The following CACNA1C variants were observed in gnomAD, a reference collection of about 807,000 sequenced individuals.
CACNA1C encodes voltage-dependent L-type calcium channel subunit alpha-1C.
A neutral mutation model predicts 229.0 loss-of-function variants in CACNA1C; 30 were observed. That is an observed-to-expected ratio of 0.13 (90% CI 0.10 to 0.18). CACNA1C has a LOEUF of 0.18. CACNA1C is among the 10% of genes least tolerant of loss of function. CACNA1C has a pLI of 1.00. For synonymous variants in CACNA1C, 1,114 were observed against 1,132.5 expected, an observed-to-expected ratio of 0.98 and a Z score of 0.33; for missense variants, 1,658 against 2,845.0, an observed-to-expected ratio of 0.58 and a Z score of 9.49.
At chr12:2,322,704 A>G (rs935229102) in intron 3 of CACNA1C, among the ~76,000 whole-genome samples, 6 of 151,900 alleles carry the variant, frequency 3.9e-5, no homozygotes, top group African/African-American at 9.7e-5. Context: ...CCTTCTTACC[A>G]TGCCGCGTTG....
At chr12:2,246,501 C>T (rs1011746474) in intron 3 of CACNA1C, among the ~76,000 whole-genome samples, 2 of 152,184 alleles carry the variant, frequency 1.3e-5, no homozygotes, top group African/African-American at 2.4e-5. Flanking sequence ...CTAACACTTA[C>T]ACAGTGCTTC....
At chr12:1,990,538 G>T (rs2039098130) in intron 1 of CACNA1C, among the ~76,000 whole-genome samples, 2 of 151,822 alleles carry the variant, frequency 1.3e-5, no homozygotes, top group African/African-American at 4.8e-5. Flanking sequence ...TTCAAGAAAG[G>T]GATTTTTTTT....
At chr12:2,207,723 A>T (rs2097791097) in intron 3 of CACNA1C, among the ~76,000 whole-genome samples, 1 of 152,102 alleles carries the variant, frequency 6.6e-6, no homozygotes, top group African/African-American at 2.4e-5. Flanking sequence ...CTGACACAGG[A>T]TGATTACTTG....
chr12:2,332,723 T>G (rs917086533), intron 3 of CACNA1C, among the ~76,000 whole-genome samples: 4 of 151,816 alleles, frequency 2.6e-5, no homozygotes, highest in Non-Finnish European at 5.9e-5. Flanking sequence ...CTCTGAAGAG[T>G]TTTTAACAGC....
chr12:2,357,214 T>C (rs2097396895), intron 3 of CACNA1C, among the ~76,000 whole-genome samples: 1 of 152,210 alleles, frequency 6.6e-6, no homozygotes, highest in South Asian at 2.1e-4. Flanking sequence ...GTTCCCCAGC[T>C]GCACGCCCTG....
intron 3 of CACNA1C, among the ~76,000 whole-genome samples, chr12:2,437,760 T>C (rs2099148979): frequency 6.6e-6 from 1 of 151,664 alleles, no homozygotes; most frequent in African/African-American, 2.4e-5. Flanking sequence ...GTGGTAATGG[T>C]GATAGTGGAG....
chr12:1,997,686 C>T (rs2041263718), intron 1 of CACNA1C, among the ~76,000 whole-genome samples: 1 of 152,118 alleles, frequency 6.6e-6, no homozygotes, highest in South Asian at 2.1e-4. Flanking sequence ...TTAAACAGTG[C>T]CCAGTCAATG....
At chr12:2,551,716 G>T (rs1229765413) in intron 10 of CACNA1C, among the ~76,000 whole-genome samples, 4 of 152,194 alleles carry the variant, frequency 2.6e-5, no homozygotes, top group Non-Finnish European at 5.9e-5. Context: ...CTGCTGTGTA[G>T]TAAGGAGGCC....
intron 3 of CACNA1C, among the ~76,000 whole-genome samples, chr12:2,255,651 G>A (rs961761956): frequency 1.3e-5 from 2 of 152,218 alleles, no homozygotes; most frequent in African/African-American, 4.8e-5. Context: ...GGGTCACCTG[G>A]TTCATTTCCT....
At chr12:2,688,359 C>T in intron 45 of CACNA1C, 88 bp from the exon 46 acceptor site, 1 of 1,242,196 alleles carries the variant, frequency 8.1e-7, no homozygotes, top group East Asian at 2.3e-5. Flanking sequence ...GACACAGCAG[C>T]TGCAAAGCAG....
At chr12:2,163,063 TG>T (rs1466139625) in intron 3 of CACNA1C, among the ~76,000 whole-genome samples, 1 of 151,924 alleles carries the variant, frequency 6.6e-6, no homozygotes, top group Non-Finnish European at 1.5e-5. Flanking sequence ...CCAGGCGTGG[TG>T]GTGCATGCTT....
intron 9 of CACNA1C, among the ~76,000 whole-genome samples, chr12:2,538,142 A>AG (rs1181236148): frequency 3.9e-5 from 6 of 152,336 alleles, no homozygotes; most frequent in South Asian, 4.1e-4. Context: ...CTGCAGATCA[A>AG]GGGCAGGCAT....
intron 3 of CACNA1C, among the ~76,000 whole-genome samples, chr12:2,418,086 C>G (rs905189284): frequency 1.3e-5 from 2 of 152,182 alleles, no homozygotes; most frequent in Non-Finnish European, 2.9e-5. Context: ...GCCGCTCCCT[C>G]TCTGCTTTTG....
At chr12:2,623,794 C>G (rs2084716792) in intron 29 of CACNA1C, among the ~76,000 whole-genome samples, 1 of 152,192 alleles carries the variant, frequency 6.6e-6, no homozygotes, top group Admixed American at 6.5e-5. Context: ...AAAAGTGACT[C>G]CAGCCCCTGG....
chr12:2,456,305 G>A lies in CACNA1C; in HGVS notation c.618-1262G>A, dbSNP rs140079938. ...CTTGTTCTGAGCCACCCAGTGTCTC[G>A]CGCCTGGATGACTGCCGCAGCTGGT... On this transcript the variant is annotated intron_variant, in intron 4 of 46. Coordinates refer to ENST00000399655, the MANE Select transcript of CACNA1C (RefSeq NM_000719.7). 3.0e-4 allele frequency among the ~76,000 whole-genome samples: 46 copies of A among 152,236 alleles called. 1 individual carries two copies. The highest frequency in any genetic ancestry group is 9.6e-4 in the African/African-American group (40 of 41,526).
chr12:2,593,145 G>C (rs767207377), intron 18 of CACNA1C, 68 bp from the exon 19 acceptor site: 1 of 1,537,728 alleles, frequency 6.5e-7, no homozygotes, highest in East Asian at 2.3e-5. Context: ...CCAGTAGGAA[G>C]GTCTCTGAAA....
intron 3 of CACNA1C, among the ~76,000 whole-genome samples, chr12:2,188,968 C>T (rs560950532): frequency 1.8e-3 from 272 of 152,070 alleles, no homozygotes; most frequent in African/African-American, 6.4e-3. Context: ...TGGCGGGTGC[C>T]TGTAGTCCCA....
chr12:1,998,020 A>G, intron 1 of CACNA1C: 1 of 1,544,842 alleles, frequency 6.5e-7, no homozygotes, highest in Non-Finnish European at 8.8e-7. Flanking sequence ...TGTTCTCTTC[A>G]ATTCACAAAG....
chr12:2,430,507 T>TC (rs2099071791), intron 3 of CACNA1C, among the ~76,000 whole-genome samples: 1 of 152,126 alleles, frequency 6.6e-6, no homozygotes, highest in Non-Finnish European at 1.5e-5. Flanking sequence ...TGTAGACCCA[T>TC]CCACCCTCAC....
Sources: gnomAD v4.1 joint callset for allele counts (sites outside exome capture counted in the v4.1 genomes callset) on GRCh38, gnomAD v4.1.1 for gene constraint, MANE v1.5 for transcripts, NCBI Gene and HGNC (gene_info 2026-07-23, HGNC 2026-07-21) for gene names.